The following CCSER1 variants were observed in gnomAD, a reference collection of about 807,000 sequenced individuals.
The protein encoded by CCSER1 is serine-rich coiled-coil domain-containing protein 1.
A neutral mutation model predicts 82.0 loss-of-function variants in CCSER1; 41 were observed. That is an observed-to-expected ratio of 0.50 (90% CI 0.39 to 0.65). The LOEUF is 0.65. Among genes scored for constraint, CCSER1 ranks in the 30% least tolerant of loss-of-function variants. The probability of loss-of-function intolerance (pLI) is 0.00; values close to 1 mark genes in which losing one functional copy is unlikely to be tolerated. For synonymous variants in CCSER1, 414 were observed against 383.9 expected, an observed-to-expected ratio of 1.08 and a Z score of -0.92; for missense variants, 1,119 against 1,064.2, an observed-to-expected ratio of 1.05 and a Z score of -0.72.
At chr4:90,693,047 C>T (rs1367745778) in intron 6 of CCSER1, among the ~76,000 whole-genome samples, 2 of 151,918 alleles carry the variant, frequency 1.3e-5, no homozygotes, top group Non-Finnish European at 2.9e-5. Context: ...AGGGTTAAAA[C>T]TCAGTAAAGT....
chr4:90,860,967 A>G (rs377269008), intron 8 of CCSER1, among the ~76,000 whole-genome samples: 1 of 151,604 alleles, frequency 6.6e-6, no homozygotes, highest in East Asian at 1.9e-4. Context: ...TGACTATACT[A>G]AAAACCACTG....
chr4:91,214,768 G>A (rs1581783873), intron 10 of CCSER1, among the ~76,000 whole-genome samples: 1 of 152,056 alleles, frequency 6.6e-6, no homozygotes, highest in East Asian at 1.9e-4. Flanking sequence ...GCTATAACAA[G>A]GGCTTATTGG....
intron 1 of CCSER1, among the ~76,000 whole-genome samples, chr4:90,278,781 A>G (rs994861521): frequency 2.6e-5 from 4 of 152,008 alleles, no homozygotes; most frequent in Admixed American, 6.6e-5. Context: ...AACATTACAC[A>G]TTATTTACCT....
intron 10 of CCSER1, among the ~76,000 whole-genome samples, chr4:91,451,718 C>T (rs1397577207): frequency 6.6e-6 from 1 of 151,708 alleles, no homozygotes; most frequent in Non-Finnish European, 1.5e-5. Flanking sequence ...CTGAAAAATA[C>T]AATGTTTGAG....
intron 4 of CCSER1, among the ~76,000 whole-genome samples, chr4:90,465,164 A>G (rs771857092): frequency 5.9e-5 from 9 of 151,990 alleles, no homozygotes; most frequent in Non-Finnish European, 1.3e-4. Context: ...GGCTTTCACC[A>G]TGTTGACCAG....
chr4:90,861,242 A>C (rs546136790), intron 8 of CCSER1, among the ~76,000 whole-genome samples: 1 of 151,710 alleles, frequency 6.6e-6, no homozygotes, highest in Non-Finnish European at 1.5e-5. Flanking sequence ...TCTACTAATG[A>C]TATGAGAGTT....
At chr4:90,433,516 A>AC (rs1251840942) in intron 4 of CCSER1, among the ~76,000 whole-genome samples, 1 of 152,122 alleles carries the variant, frequency 6.6e-6, no homozygotes, top group Non-Finnish European at 1.5e-5. Flanking sequence ...ATACCAAGAT[A>AC]TTAAAAACCC....
chr4:90,756,755 T>C (rs1749597679), intron 7 of CCSER1, among the ~76,000 whole-genome samples: 2 of 152,230 alleles, frequency 1.3e-5, no homozygotes, highest in African/African-American at 4.8e-5. Context: ...CGTATACATA[T>C]ACTTTACTGC....
intron 8 of CCSER1, among the ~76,000 whole-genome samples, chr4:90,891,320 T>A (rs1580955953): frequency 1.3e-5 from 2 of 151,800 alleles, no homozygotes; most frequent in East Asian, 3.9e-4. Context: ...ATTTATATAA[T>A]GTCAATGTCA....
intron 7 of CCSER1, among the ~76,000 whole-genome samples, chr4:90,752,031 G>A (rs936318360): frequency 2.6e-5 from 4 of 152,048 alleles, no homozygotes; most frequent in Admixed American, 2.0e-4. Context: ...CCTTGAACAT[G>A]TGGTTTATCT....
chr4:90,346,639 A>G (rs758160920), intron 3 of CCSER1, among the ~76,000 whole-genome samples: 7 of 152,114 alleles, frequency 4.6e-5, no homozygotes, highest in Admixed American at 3.9e-4. Flanking sequence ...CAATATGGTC[A>G]CAATTTTCTA....
At chr4:90,817,961 TTA>T (rs1049516492) in intron 8 of CCSER1, among the ~76,000 whole-genome samples, 2 of 152,158 alleles carry the variant, frequency 1.3e-5, no homozygotes, top group African/African-American at 2.4e-5. Context: ...ACCAGTTGAG[TTA>T]TACCCTACTA....
chr4:90,396,522 C>T (rs1237544847), intron 3 of CCSER1, among the ~76,000 whole-genome samples: 6 of 152,142 alleles, frequency 3.9e-5, no homozygotes, highest in African/African-American at 1.2e-4. Context: ...CAATTTTCTA[C>T]TCAATTTGTA....
At chr4:90,907,800 C>T (rs1007953303) in intron 8 of CCSER1, among the ~76,000 whole-genome samples, 1 of 151,806 alleles carries the variant, frequency 6.6e-6, no homozygotes, top group Non-Finnish European at 1.5e-5. Context: ...CTGGAATAAA[C>T]CCTTAGTTCA....
At chr4:90,524,456 G>GT (rs544663703) in intron 5 of CCSER1, among the ~76,000 whole-genome samples, 11 of 151,888 alleles carry the variant, frequency 7.2e-5, no homozygotes, top group South Asian at 4.2e-4. Flanking sequence ...CATGAAGATT[G>GT]TTTTTTTTGT....
chr4:90,533,084 GTT>G (rs59215370), intron 5 of CCSER1, among the ~76,000 whole-genome samples: 2,679 of 88,608 alleles, frequency 0.03, 8 homozygotes, highest in Non-Finnish European at 0.034. Flanking sequence ...ATTTCTGTGG[GTT>G]TTTTTTTTTT....
intron 10 of CCSER1, among the ~76,000 whole-genome samples, chr4:91,272,681 C>T (rs1334624356): frequency 3.3e-5 from 5 of 151,930 alleles, no homozygotes; most frequent in African/African-American, 9.7e-5. Context: ...TAAGCCATGC[C>T]CGAAGGGTTT....
At chr4:91,373,536 G>T (rs1554851) in intron 10 of CCSER1, among the ~76,000 whole-genome samples, 148,515 of 152,244 alleles carry the variant, frequency 0.98, 72,453 homozygotes, top group East Asian at 1. Flanking sequence ...ACAGCAAACT[G>T]AATACATAAA....
chr4:91,427,883 A>G (rs1490253905), intron 10 of CCSER1, among the ~76,000 whole-genome samples: 1 of 151,036 alleles, frequency 6.6e-6, no homozygotes, highest in Admixed American at 6.6e-5. Flanking sequence ...AATATGCTTG[A>G]TTAAATGTCT....
Sources: gnomAD v4.1 joint callset for allele counts (sites outside exome capture counted in the v4.1 genomes callset) on GRCh38, gnomAD v4.1.1 for gene constraint, MANE v1.5 for transcripts, NCBI Gene and HGNC (gene_info 2026-07-23, HGNC 2026-07-21) for gene names.